GSG1L: variants seen among roughly 807,000 people sequenced by gnomAD.
GSG1L encodes GSG1 like.
In GSG1L, 24 loss-of-function variants were observed where a neutral mutation model predicts 42.1. The ratio of observed to expected loss-of-function variants is 0.57; its 90% confidence interval spans 0.41 to 0.80. The LOEUF (loss-of-function observed/expected upper bound fraction) is 0.80, where lower values mean the gene tolerates loss of function less well. Ranked by LOEUF, GSG1L falls within the 30% of genes least tolerant of loss-of-function variation. The pLI, the probability that GSG1L is intolerant of heterozygous loss-of-function variation, is 0.00. For missense variants in GSG1L, 445 were observed against 472.2 expected (o/e 0.94, Z 0.53); for synonymous variants, 215 against 203.5 (o/e 1.06, Z -0.48).
At chr16:27,922,902 C>T (rs1420374511) in intron 2 of GSG1L, among the ~76,000 whole-genome samples, 1 of 152,202 alleles carries the variant, frequency 6.6e-6, no homozygotes, top group Non-Finnish European at 1.5e-5. Context: ...ATCCTCCTGC[C>T]TCTGCCTCCT....
At position 27,947,384 on chromosome 16, in the gene GSG1L, A is replaced by AAAGAAAGAAAGAAAG. The variant is rs2084886187; in HGVS notation, c.397+15771_397+15772insCTTTCTTTCTTTCTT. ...GGAGGAGGAGAGAAAGAAAGAAAGA[A>AAAGAAAGAAAGAAAG]AAAGAAAGAAAGAAAGAAAGAAAGA... On this transcript the variant is annotated intron_variant, in intron 2 of 6. Coordinates refer to ENST00000447459, the MANE Select transcript of GSG1L (RefSeq NM_001109763.2). 6.9e-5 allele frequency among the ~76,000 whole-genome samples: 9 copies of AAAGAAAGAAAGAAAG among 130,678 alleles called. No homozygotes were observed. The South Asian group carries it at 7.5e-4, about 11-fold the overall frequency. 85.7% of individuals were successfully genotyped at this position (130,678 alleles called of 152,430 possible).
intron 1 of GSG1L, among the ~76,000 whole-genome samples, chr16:27,967,320 G>T (rs889934785): frequency 2.0e-5 from 3 of 152,238 alleles, no homozygotes; most frequent in Non-Finnish European, 4.4e-5. Flanking sequence ...GAAGGGGTCA[G>T]ATCACAAAGG....
chr16:27,849,757 A>T (rs1246582335), intron 3 of GSG1L, among the ~76,000 whole-genome samples: 1 of 151,816 alleles, frequency 6.6e-6, no homozygotes, highest in Non-Finnish European at 1.5e-5. Context: ...CTGGTCCCAA[A>T]CTCCTGGCCT....
chr16:27,870,069 ATC>A (rs915021802), intron 3 of GSG1L, among the ~76,000 whole-genome samples: 1 of 88,236 alleles, frequency 1.1e-5, no homozygotes, highest in Admixed American at 1.2e-4. Context: ...GCCTCTCTCC[ATC>A]TCTCTTTCCT....
intron 1 of GSG1L, among the ~76,000 whole-genome samples, chr16:28,003,018 A>G (rs9923353): frequency 0.33 from 49,813 of 152,150 alleles, 10,495 homozygotes; most frequent in African/African-American, 0.59. Flanking sequence ...CAAGTCCAAA[A>G]GCCCTGGGGC....
intron 1 of GSG1L, among the ~76,000 whole-genome samples, chr16:28,001,679 G>A (rs1050715900): frequency 7.2e-5 from 11 of 152,182 alleles, no homozygotes; most frequent in Non-Finnish European, 1.3e-4. Flanking sequence ...TTACTGAAGG[G>A]CTGTAGGACA....
At chr16:28,057,555 T>C (rs1291211121) in intron 1 of GSG1L, among the ~76,000 whole-genome samples, 1 of 152,194 alleles carries the variant, frequency 6.6e-6, no homozygotes, top group Non-Finnish European at 1.5e-5. Context: ...AGTGGCTCCA[T>C]ATTCAAATGT....
chr16:27,792,363 A>G (rs1159050556), intron 6 of GSG1L, among the ~76,000 whole-genome samples: 1 of 151,980 alleles, frequency 6.6e-6, no homozygotes, highest in East Asian at 1.9e-4. Context: ...ACTGTCTACC[A>G]CACTTAGTGG....
chr16:28,042,184 C>T (rs2086113475), intron 1 of GSG1L, among the ~76,000 whole-genome samples: 1 of 152,116 alleles, frequency 6.6e-6, no homozygotes, highest in South Asian at 2.1e-4. Context: ...GCCTGTAATC[C>T]TAGCACTTTG....
At chr16:27,883,991 T>C (rs1008416325) in intron 3 of GSG1L, among the ~76,000 whole-genome samples, 9 of 152,214 alleles carry the variant, frequency 5.9e-5, no homozygotes, top group Non-Finnish European at 1.5e-5. Flanking sequence ...TGTTTGATCA[T>C]TCGACTTCCC....
rs182663042 is a variant in GSG1L, at chr16:27,818,976, G to T, written c.830+9813C>A. Among the ~76,000 whole-genome samples the T allele has an allele frequency of 3.5e-3, 539 of 152,272 alleles. 6 individuals carry two copies. Among genetic ancestry groups the T allele is most frequent in the African/African-American group, 0.012 (498 of 41,546 alleles). ...TTTTAAAAAGAGACCTCGGCCGGGC[G>T]CGGTGGCTCACGCCTGTAATCCCAG... On this transcript the variant is annotated intron_variant, in intron 5 of 6. Transcript: ENST00000447459.
intron 1 of GSG1L, among the ~76,000 whole-genome samples, chr16:28,039,116 G>A (rs1361164351): frequency 1.3e-5 from 2 of 152,182 alleles, no homozygotes; most frequent in African/African-American, 2.4e-5. Context: ...GCCAATCCTA[G>A]TTATTGATAA....
chr16:27,929,795 C>T (rs562266244), intron 2 of GSG1L, among the ~76,000 whole-genome samples: 7 of 152,246 alleles, frequency 4.6e-5, no homozygotes, highest in African/African-American at 1.7e-4. Flanking sequence ...GATTCCACTC[C>T]ACATACCCCA....
At chr16:28,046,379 A>G (rs1398768785) in intron 1 of GSG1L, among the ~76,000 whole-genome samples, 6 of 109,534 alleles carry the variant, frequency 5.5e-5, no homozygotes, top group Non-Finnish European at 5.1e-5. Flanking sequence ...TCTGAGACGG[A>G]GTCTAGTTCT....
intron 2 of GSG1L, among the ~76,000 whole-genome samples, chr16:27,916,118 A>G (rs7187107): frequency 0.011 from 1,641 of 152,212 alleles, 32 homozygotes; most frequent in African/African-American, 0.038. Flanking sequence ...GAGACACCCA[A>G]TGAGGAAAAA....
intron 1 of GSG1L, among the ~76,000 whole-genome samples, chr16:28,060,197 GC>G (rs1221576591): frequency 6.6e-6 from 1 of 151,998 alleles, no homozygotes; most frequent in Non-Finnish European, 1.5e-5. Flanking sequence ...TGTTCAGGGG[GC>G]TATTGGGATG....
intron 4 of GSG1L, 60 bp downstream of exon 4, chr16:27,844,890 G>T: frequency 1.6e-6 from 1 of 622,634 alleles, no homozygotes; most frequent in Non-Finnish European, 2.8e-6. Flanking sequence ...AGCTGCTGAA[G>T]TCCCAGCGTG....
chr16:28,029,530 GGGATGGAT>G (rs60587266), intron 1 of GSG1L, among the ~76,000 whole-genome samples: 113 of 149,474 alleles, frequency 7.6e-4, no homozygotes, highest in Middle Eastern at 3.5e-3. Context: ...GGTGCATGAA[GGGATGGAT>G]GGATGGATGG....
At chr16:27,832,320 A>G (rs2083282187) in intron 4 of GSG1L, among the ~76,000 whole-genome samples, 1 of 152,212 alleles carries the variant, frequency 6.6e-6, no homozygotes, top group Non-Finnish European at 1.5e-5. Context: ...ATTGACATTG[A>G]TACAGTCAAA....
Sources: allele counts gnomAD v4.1 joint callset (sites outside exome capture counted in the v4.1 genomes callset), GRCh38; gene constraint gnomAD v4.1.1; transcripts MANE v1.5; gene names NCBI Gene and HGNC (gene_info 2026-07-23, HGNC 2026-07-21).